The following SLF1 variants were observed in gnomAD, a reference collection of about 807,000 sequenced individuals.
The protein encoded by SLF1 is SMC5/6 complex localization factor 1.
In SLF1, 105 loss-of-function variants were observed where a neutral mutation model predicts 123.0. The ratio of observed to expected loss-of-function variants is 0.85; its 90% CI spans 0.73 to 1.00. The LOEUF is 1.00. SLF1 is among the 50% of genes least tolerant of loss of function. SLF1 has a pLI of 0.00. For missense variants in SLF1, 1,239 were observed against 1,223.0 expected (o/e 1.01, Z -0.20); for synonymous variants, 434 against 406.6 (o/e 1.07, Z -0.81).
intron 15 of SLF1, among the ~76,000 whole-genome samples, chr5:94,684,396 A>G (rs1275351369): frequency 2.0e-5 from 3 of 152,078 alleles, no homozygotes; most frequent in Non-Finnish European, 4.4e-5. Context: ...TCTCCTTTCC[A>G]ACTCATAAAA....
intron 12 of SLF1, among the ~76,000 whole-genome samples, chr5:94,667,501 G>A (rs757861048): frequency 3.3e-5 from 5 of 152,112 alleles, no homozygotes; most frequent in Non-Finnish European, 7.4e-5. Context: ...CCCCCCCACA[G>A]TATGCTCTTT....
chr5:94,686,700 A>G lies in SLF1; in HGVS notation c.2103A>G (p.Pro701=). 6.2e-7 allele frequency: 1 copy of G among 1,613,674 alleles called. No individual in the cohort carries two copies. Residue 701 remains proline, a synonymous_variant, in exon 16 of 21, where the codon CCA becomes CCG. Transcript: ENST00000265140. ...GCTCTGGCAGTGTTTCTTCTGAGCC[A>G]CTCTCTCTTCAGAAAATGGTAAGTA... ...LQSSGSVSSE[P]LSLQKMVYSY... is the part of the protein sequence containing the mutation.
At chr5:94,665,691 T>C (rs965984594) in intron 11 of SLF1, among the ~76,000 whole-genome samples, 170 bp from the exon 12 acceptor site, 4 of 152,114 alleles carry the variant, frequency 2.6e-5, no homozygotes, top group African/African-American at 9.7e-5. Context: ...AGGCGGAGGT[T>C]GAGGTAAGCC....
intron 15 of SLF1, among the ~76,000 whole-genome samples, chr5:94,682,442 G>A (rs1751908455): frequency 6.6e-6 from 1 of 152,020 alleles, no homozygotes; most frequent in Non-Finnish European, 1.5e-5. Context: ...TAGTAAAGAT[G>A]TTCTAATTTC....
intron 4 of SLF1, among the ~76,000 whole-genome samples, chr5:94,638,413 C>T (rs66936860): frequency 0.22 from 33,845 of 151,840 alleles, 3,907 homozygotes; most frequent in East Asian, 0.34. Context: ...TCTCTGACCT[C>T]GTGATCTGCC....
intron 15 of SLF1, among the ~76,000 whole-genome samples, chr5:94,684,047 A>G (rs192848698): frequency 6.6e-6 from 1 of 151,808 alleles, no homozygotes. Context: ...TCGACCTGTC[A>G]TATTAATACT....
chr5:94,680,489 C>G (rs1238258564), intron 15 of SLF1, among the ~76,000 whole-genome samples: 1 of 152,156 alleles, frequency 6.6e-6, no homozygotes, highest in Non-Finnish European at 1.5e-5. Flanking sequence ...AAACAGAATT[C>G]TGGCATTATT....
intron 15 of SLF1, among the ~76,000 whole-genome samples, chr5:94,682,225 C>T (rs1036979271): frequency 6.6e-6 from 1 of 152,276 alleles, no homozygotes; most frequent in South Asian, 2.1e-4. Flanking sequence ...AGTTTAAGCT[C>T]ATGTTAGTCA....
Position 94,649,525 on chromosome 5 carries a change from C to G in SLF1, c.666C>G (p.Asn222Lys). 1.3e-6 allele frequency: 2 copies of G among 1,542,016 alleles called. No individual in the cohort carries two copies. The highest frequency in any genetic ancestry group is 1.8e-6 in the Non-Finnish European group (2 of 1,140,276). ...CTGAACATAGCAATGAAGAAACAAA[C>G]AAAGATTTCAGGAAAGATGCAGGAT... is the stretch of plus-strand genomic sequence containing the variant. Reference protein sequence around the residue: ...VWTEHSNEETNKDFRKDAGFL... With the variant: ...VWTEHSNEETKKDFRKDAGFL... The change falls in exon 6 of 21, where the codon AAC (asparagine) becomes AAG (lysine). Residue 222 changes from asparagine (N) to lysine (K), a missense_variant. By Grantham distance (94) the Asn-to-Lys change is moderately conservative. Transcript: ENST00000265140.
Position 94,632,387 on chromosome 5 carries a change from C to T in SLF1, c.431+1644C>T, listed in dbSNP as rs183433862. Among the ~76,000 whole-genome samples, 27 of 152,076 alleles carry T rather than the reference C, an allele frequency of 1.8e-4. No homozygotes were observed. In the East Asian group the frequency reaches 4.3e-3, roughly 24 times the overall value. ...AGTGAATCTGGATTCTTTGTATTTC[C>T]GTACACATTTTAGAATCACTGTCAA... On this transcript the variant is annotated intron_variant, in intron 4 of 20. Transcript: ENST00000265140.
chr5:94,679,944 ATTTC>A (rs1751572171), intron 15 of SLF1, among the ~76,000 whole-genome samples: 1 of 151,980 alleles, frequency 6.6e-6, no homozygotes, highest in South Asian at 2.1e-4. Context: ...TTTTTTCTTT[ATTTC>A]TTTATTTCTG....
intron 15 of SLF1, 118 bp downstream of exon 15, chr5:94,679,073 A>G (rs990562923): frequency 3.0e-5 from 34 of 1,138,514 alleles, no homozygotes; most frequent in Non-Finnish European, 4.0e-5. Flanking sequence ...TAAAATAGTT[A>G]TGGATGCACG....
intron 4 of SLF1, among the ~76,000 whole-genome samples, chr5:94,641,430 A>G (rs1746436557): frequency 6.6e-6 from 1 of 152,192 alleles, no homozygotes. Context: ...TTTTTCTTAT[A>G]AATTACCAAG....
intron 9 of SLF1, 143 bp downstream of exon 9, chr5:94,654,895 A>G (rs561139437): frequency 1.2e-5 from 7 of 588,714 alleles, no homozygotes; most frequent in East Asian, 9.9e-5. Flanking sequence ...TTATTAGTCT[A>G]TTATACAGTA....
Position 94,665,261 on chromosome 5 carries a change from C to G in SLF1, c.1369-600C>G, listed in dbSNP as rs904860726. On this transcript the variant is annotated intron_variant, in intron 11 of 20. Coordinates refer to ENST00000265140, the MANE Select transcript of SLF1 (RefSeq NM_032290.4). Reference sequence around the variant, plus strand: ...CTGTATTTAATTGCAGTTGTAGAACCTATGGACGTGAAGGGTAGGCTGCAT... The same window carrying G: ...CTGTATTTAATTGCAGTTGTAGAACGTATGGACGTGAAGGGTAGGCTGCAT... 8.8e-4 allele frequency among the ~76,000 whole-genome samples: 134 copies of G among 151,976 alleles called. 1 individual carries two copies. The highest frequency in any genetic ancestry group is 3.1e-3 in the African/African-American group (128 of 41,356).
intron 9 of SLF1, among the ~76,000 whole-genome samples, chr5:94,659,726 G>C (rs1748846362): frequency 6.6e-6 from 1 of 152,194 alleles, no homozygotes; most frequent in African/African-American, 2.4e-5. Context: ...GCAGCAGGCT[G>C]TGCATGCTGG....
chr5:94,621,030 T>G (rs1215616793), intron 1 of SLF1, among the ~76,000 whole-genome samples: 1 of 152,208 alleles, frequency 6.6e-6, no homozygotes, highest in East Asian at 1.9e-4. Context: ...TAGAAATGCT[T>G]TGAAATTTTA....
At chr5:94,674,757 G>A (rs1750854239) in intron 14 of SLF1, among the ~76,000 whole-genome samples, 1 of 152,190 alleles carries the variant, frequency 6.6e-6, no homozygotes, top group Non-Finnish European at 1.5e-5. Flanking sequence ...ATTAATCTGA[G>A]AAAATGTTGG....
chr5:94,682,015 T>C (rs1751840534), intron 15 of SLF1, among the ~76,000 whole-genome samples: 1 of 152,136 alleles, frequency 6.6e-6, no homozygotes, highest in South Asian at 2.1e-4. Flanking sequence ...TGCGTGTGTG[T>C]GCATGTGTGT....
Sources: allele counts gnomAD v4.1 joint callset (sites outside exome capture counted in the v4.1 genomes callset), GRCh38; gene constraint gnomAD v4.1.1; transcripts MANE v1.5; gene names NCBI Gene and HGNC (gene_info 2026-07-23, HGNC 2026-07-21).